The following KYNU variants were observed in gnomAD, a reference collection of about 807,000 sequenced individuals.
KYNU encodes L-kynurenine hydrolase.
In KYNU, 54 loss-of-function variants were observed where a neutral mutation model predicts 59.2. The observed-to-expected ratio is 0.91, with a 90% CI of 0.73 to 1.14. The LOEUF is 1.14. Ranked by LOEUF, KYNU falls within the 50% of genes most tolerant of loss-of-function variation. The pLI, the probability that KYNU is intolerant of heterozygous loss-of-function variation, is 0.00. For missense variants in KYNU, 567 were observed against 554.4 expected, an observed-to-expected ratio of 1.02 and a Z score of -0.23; for synonymous variants, 177 against 192.0, an observed-to-expected ratio of 0.92 and a Z score of 0.65.
intron 2 of KYNU, among the ~76,000 whole-genome samples, chr2:142,899,514 C>T (rs1378878266): frequency 6.6e-6 from 1 of 152,170 alleles, no homozygotes; most frequent in Non-Finnish European, 1.5e-5. Context: ...AACAGAAAAA[C>T]CCAAGTGCTG....
chr2:143,006,538 C>A (rs1459048087), intron 10 of KYNU, among the ~76,000 whole-genome samples: 1 of 84,100 alleles, frequency 1.2e-5, no homozygotes, highest in Non-Finnish European at 2.4e-5. Flanking sequence ...GAAGCTCAAA[C>A]TGGGTGGAGC....
At chr2:142,889,537 A>C (rs1681634240) in intron 2 of KYNU, among the ~76,000 whole-genome samples, 1 of 140,422 alleles carries the variant, frequency 7.1e-6, no homozygotes, top group African/African-American at 2.8e-5. Flanking sequence ...GGAGAAGATC[A>C]GAAAGACCTT....
intron 1 of KYNU, among the ~76,000 whole-genome samples, chr2:142,880,810 G>A (rs933539646): frequency 2.6e-5 from 4 of 152,200 alleles, no homozygotes; most frequent in African/African-American, 9.6e-5. Flanking sequence ...CCAAGCGGTA[G>A]AGACACAGTG....
intron 4 of KYNU, among the ~76,000 whole-genome samples, chr2:142,944,055 A>C (rs1036255882): frequency 1.3e-5 from 2 of 152,200 alleles, no homozygotes; most frequent in Non-Finnish European, 2.9e-5. Context: ...GTTGGTTAAG[A>C]TCCTCAGTCT....
chr2:142,960,831 C>G, intron 8 of KYNU, 61 bp downstream of exon 8: 1 of 1,469,006 alleles, frequency 6.8e-7, no homozygotes, highest in South Asian at 1.1e-5. Flanking sequence ...TAAGAGTGTT[C>G]TAATTGCATG....
chr2:142,920,392 T>TTTA (rs748033932), intron 3 of KYNU, among the ~76,000 whole-genome samples: 42 of 152,338 alleles, frequency 2.8e-4, no homozygotes, highest in Non-Finnish European at 2.1e-4. Context: ...GAATTTGAAC[T>TTTA]TTATAGAGTG....
At chr2:143,026,099 G>A (rs1686546193) in intron 10 of KYNU, among the ~76,000 whole-genome samples, 1 of 151,982 alleles carries the variant, frequency 6.6e-6, no homozygotes, top group South Asian at 2.1e-4. Context: ...GAAAACATAG[G>A]AATAAAGCAT....
intron 10 of KYNU, among the ~76,000 whole-genome samples, chr2:143,026,794 T>C (rs1448130209): frequency 6.6e-6 from 1 of 152,220 alleles, no homozygotes. Flanking sequence ...GTGGGGCCTC[T>C]GACTTTTCAC....
At chr2:142,957,736 T>C in intron 7 of KYNU, 21 bp downstream of exon 7, 1 of 1,420,886 alleles carries the variant, frequency 7.0e-7, no homozygotes, top group South Asian at 1.2e-5. Context: ...AAGAAAGAAA[T>C]ATTTGTCATG....
At chr2:142,939,423 G>A (rs961452835) in intron 4 of KYNU, among the ~76,000 whole-genome samples, 5 of 151,892 alleles carry the variant, frequency 3.3e-5, no homozygotes, top group South Asian at 4.2e-4. Context: ...CCAACATGGT[G>A]AAACGCTGTC....
rs3768854 is a variant in KYNU, at chr2:142,892,515, C to T, written c.169+6979C>T. 9.2e-4 allele frequency among the ~76,000 whole-genome samples: 140 copies of T among 152,008 alleles called. 1 individual carries two copies. The East Asian group carries it at 0.023, about 25-fold the overall frequency. On this transcript the variant is annotated intron_variant, in intron 2 of 13. Transcript: ENST00000264170. The stretch of plus-strand genomic sequence containing the variant: ...TTGGTAAATGGTAAATAATAAGGTA[C>T]GGAATAGGGAATATAGGGTACTAGG...
intron 4 of KYNU, among the ~76,000 whole-genome samples, chr2:142,932,397 G>A (rs1346498310): frequency 6.6e-6 from 1 of 152,048 alleles, no homozygotes; most frequent in African/African-American, 2.4e-5. Context: ...GCCTTGCACG[G>A]ATCATAGGGC....
intron 4 of KYNU, among the ~76,000 whole-genome samples, chr2:142,929,971 T>C (rs550993601): frequency 6.6e-6 from 1 of 152,336 alleles, no homozygotes; most frequent in African/African-American, 2.4e-5. Flanking sequence ...GTTATATTCT[T>C]CATATTCTTG....
In KYNU at chr2:143,018,393, A is replaced by T. The variant is rs543933829; in HGVS notation, c.903-11234A>T. Among the ~76,000 whole-genome samples the T allele has an allele frequency of 4.6e-5, 7 of 152,304 alleles. No homozygotes were observed. In the South Asian group the frequency reaches 1.2e-3, roughly 27 times the overall value. On this transcript the variant is annotated intron_variant, in intron 10 of 13. Coordinates refer to ENST00000264170, the MANE Select transcript of KYNU (RefSeq NM_003937.3). The stretch of plus-strand genomic sequence containing the variant: ...GTTATCCCAACACCATTTATTGAGT[A>T]GGGAGTCCTTTTCCGATTGCTTGTT...
chr2:142,947,602 T>C (rs1294203026), intron 4 of KYNU: 2 of 167,354 alleles, frequency 1.2e-5, no homozygotes, highest in Non-Finnish European at 2.6e-5. Flanking sequence ...AGGTTTTTTT[T>C]CATCTAAAGA....
intron 1 of KYNU, among the ~76,000 whole-genome samples, chr2:142,881,916 C>CTTTTTTTTTTTTTTTTTTTTTTTTTTT (rs869099302): frequency 8.8e-6 from 1 of 113,170 alleles, no homozygotes; most frequent in Non-Finnish European, 1.8e-5. Context: ...TTTCTTTTTT[C>CTTTTTTTTTTTTTTTTTTTTTTTTTTT]TTTTTTTTTT....
chr2:142,976,548 C>T (rs965439561), intron 8 of KYNU, among the ~76,000 whole-genome samples: 13 of 152,078 alleles, frequency 8.5e-5, no homozygotes, highest in Non-Finnish European at 4.4e-5. Context: ...TTGTAATGAT[C>T]GCCTTCTCTA....
At chr2:142,959,124 C>T (rs953437560) in intron 7 of KYNU, among the ~76,000 whole-genome samples, 7 of 152,132 alleles carry the variant, frequency 4.6e-5, no homozygotes, top group African/African-American at 1.7e-4. Context: ...CACACATACA[C>T]ACTCACACAC....
chr2:142,971,371 T>G (rs1684717572), intron 8 of KYNU: 1 of 152,052 alleles, frequency 6.6e-6, no homozygotes, highest in Non-Finnish European at 1.5e-5. Context: ...AAGTGTAAAA[T>G]AAAGTATTTC....
Sources: gnomAD v4.1 joint callset for allele counts (sites outside exome capture counted in the v4.1 genomes callset) on GRCh38, gnomAD v4.1.1 for gene constraint, MANE v1.5 for transcripts, NCBI Gene and HGNC (gene_info 2026-07-23, HGNC 2026-07-21) for gene names.